SGCZ: variants seen among roughly 807,000 people sequenced by gnomAD.
SGCZ encodes the protein sarcoglycan zeta, also known as zeta-sarcoglycan.
A neutral mutation model predicts 41.3 loss-of-function variants in SGCZ; 40 were observed. The observed-to-expected ratio is 0.97, with a 90% CI of 0.75 to 1.26. The LOEUF (loss-of-function observed/expected upper bound fraction) is 1.26. Ranked by LOEUF, SGCZ falls within the 50% of genes most tolerant of loss-of-function variation. SGCZ has a pLI of 0.00. For synonymous variants in SGCZ, 206 were observed against 137.5 expected, an observed-to-expected ratio of 1.50 and a Z score of -3.49; for missense variants, 552 against 369.8, an observed-to-expected ratio of 1.49 and a Z score of -4.04.
intron 1 of SGCZ, among the ~76,000 whole-genome samples, chr8:14,923,545 T>A (rs897946268): frequency 6.6e-6 from 1 of 152,146 alleles, no homozygotes. Context: ...CATATATTCA[T>A]GGTGTCCCTA....
chr8:14,320,002 T>C (rs534727595), intron 3 of SGCZ, among the ~76,000 whole-genome samples: 1 of 152,168 alleles, frequency 6.6e-6, no homozygotes, highest in East Asian at 1.9e-4. Flanking sequence ...TTTTTTCGAT[T>C]AAATTACATA....
At chr8:14,913,056 T>C (rs929350244) in intron 1 of SGCZ, among the ~76,000 whole-genome samples, 13 of 152,050 alleles carry the variant, frequency 8.5e-5, no homozygotes, top group Non-Finnish European at 1.6e-4. Context: ...CATAAATATA[T>C]ATGCCCAATG....
chr8:15,017,747 C>G (rs746613810), intron 1 of SGCZ, among the ~76,000 whole-genome samples: 3 of 152,184 alleles, frequency 2.0e-5, no homozygotes, highest in Non-Finnish European at 2.9e-5. Context: ...CTCAAGTGAT[C>G]TGCCTCCCTC....
intron 1 of SGCZ, among the ~76,000 whole-genome samples, chr8:15,099,560 G>A (rs921579166): frequency 4.6e-5 from 7 of 152,102 alleles, no homozygotes; most frequent in Middle Eastern, 3.4e-3. Context: ...ATTCACTACC[G>A]GCTCTGCAAA....
intron 5 of SGCZ, among the ~76,000 whole-genome samples, chr8:14,154,229 G>C (rs1336185128): frequency 2.1e-5 from 3 of 143,762 alleles, no homozygotes; most frequent in Non-Finnish European, 4.7e-5. Flanking sequence ...AATTAGCCAG[G>C]CGTGGTGGTG....
chr8:14,444,097 C>T (rs1800356696), intron 2 of SGCZ, among the ~76,000 whole-genome samples: 1 of 152,224 alleles, frequency 6.6e-6, no homozygotes, highest in East Asian at 1.9e-4. Flanking sequence ...AAATGCAAAT[C>T]AAAACCACAA....
chr8:14,688,331 T>C (rs1444529622), intron 1 of SGCZ, among the ~76,000 whole-genome samples: 1 of 152,234 alleles, frequency 6.6e-6, no homozygotes, highest in Admixed American at 6.5e-5. Flanking sequence ...GTTTTAGGTC[T>C]AAAGTTTATG....
chr8:14,995,165 G>C (rs1471555964), intron 1 of SGCZ, among the ~76,000 whole-genome samples: 1 of 152,264 alleles, frequency 6.6e-6, no homozygotes. Flanking sequence ...TTTGGACAGG[G>C]AGACACTGAA....
intron 2 of SGCZ, among the ~76,000 whole-genome samples, chr8:14,328,182 G>A (rs1189989018): frequency 6.6e-6 from 1 of 152,110 alleles, no homozygotes; most frequent in African/African-American, 2.4e-5. Context: ...TCACACTCAG[G>A]CATTAAGTCC....
chr8:14,141,146 C>T (rs976655291), intron 5 of SGCZ, among the ~76,000 whole-genome samples: 4 of 152,154 alleles, frequency 2.6e-5, no homozygotes, highest in African/African-American at 7.2e-5. Context: ...TGGATTCCTT[C>T]GTTACACCTT....
chr8:14,678,733 C>G (rs1173934482), intron 1 of SGCZ, among the ~76,000 whole-genome samples: 1 of 152,176 alleles, frequency 6.6e-6, no homozygotes, highest in Non-Finnish European at 1.5e-5. Flanking sequence ...AAAACCTGCA[C>G]TTGAAAGTTG....
chr8:14,456,301 G>C (rs1200441396), intron 2 of SGCZ, among the ~76,000 whole-genome samples: 2 of 152,102 alleles, frequency 1.3e-5, no homozygotes, highest in African/African-American at 4.8e-5. Context: ...CCAGCTACTT[G>C]GGGGGCTGAG....
chr8:14,241,024 G>T (rs1798863289), intron 3 of SGCZ, among the ~76,000 whole-genome samples: 2 of 152,024 alleles, frequency 1.3e-5, no homozygotes, highest in South Asian at 4.1e-4. Flanking sequence ...AACAAAAAAA[G>T]AAAGACATTT....
intron 3 of SGCZ, among the ~76,000 whole-genome samples, chr8:14,259,333 T>C (rs1430436789): frequency 6.6e-6 from 1 of 152,052 alleles, no homozygotes; most frequent in African/African-American, 2.4e-5. Flanking sequence ...CATTTGTCAA[T>C]TTTGTCTTTT....
chr8:14,781,722 T>C (rs1489977017), intron 1 of SGCZ, among the ~76,000 whole-genome samples: 4 of 152,112 alleles, frequency 2.6e-5, no homozygotes, highest in African/African-American at 9.7e-5. Context: ...AAATATCAAT[T>C]TAAAAATTTG....
chr8:15,151,029 T>G (rs897648401), intron 1 of SGCZ, among the ~76,000 whole-genome samples: 1 of 152,232 alleles, frequency 6.6e-6, no homozygotes, highest in Admixed American at 6.5e-5. Flanking sequence ...GCTTCTATCT[T>G]ACGTTCTATC....
At chr8:14,739,948 A>T (rs1799149678) in intron 1 of SGCZ, among the ~76,000 whole-genome samples, 1 of 152,020 alleles carries the variant, frequency 6.6e-6, no homozygotes, top group African/African-American at 2.4e-5. Flanking sequence ...TTATATAATA[A>T]ACAACATCTG....
At chr8:14,679,446 A>G (rs1808372974) in intron 1 of SGCZ, among the ~76,000 whole-genome samples, 2 of 151,722 alleles carry the variant, frequency 1.3e-5, no homozygotes, top group Non-Finnish European at 2.9e-5. Context: ...CATAGGCCCA[A>G]ACTAATATGT....
chr8:15,061,967 T>C (rs1350930456), intron 1 of SGCZ, among the ~76,000 whole-genome samples: 1 of 152,204 alleles, frequency 6.6e-6, no homozygotes. Context: ...GCCAAAGCTT[T>C]AGATAATTTT....
Sources: gnomAD v4.1 joint callset for allele counts (sites outside exome capture counted in the v4.1 genomes callset) on GRCh38, gnomAD v4.1.1 for gene constraint, MANE v1.5 for transcripts, NCBI Gene and HGNC (gene_info 2026-07-23, HGNC 2026-07-21) for gene names.